Variants in RPS6KA2 observed in about 807,000 individuals in gnomAD.
RPS6KA2 encodes ribosomal protein S6 kinase alpha-2.
In RPS6KA2, 42 loss-of-function variants were observed where a neutral mutation model predicts 91.8. That is an observed-to-expected ratio of 0.46 (90% CI 0.36 to 0.59). RPS6KA2 has a LOEUF of 0.59. RPS6KA2 is among the 20% of genes least tolerant of loss of function. RPS6KA2 has a pLI of 0.00. For missense variants in RPS6KA2, 798 were observed against 978.5 expected (o/e 0.82, Z 2.46); for synonymous variants, 414 against 393.6 (o/e 1.05, Z -0.61).
intron 2 of RPS6KA2, among the ~76,000 whole-genome samples, chr6:166,683,521 G>A (rs1320769360): frequency 6.6e-6 from 1 of 152,150 alleles, no homozygotes; most frequent in East Asian, 1.9e-4. Flanking sequence ...TACTTGTGTG[G>A]CCATTTAAAT....
intron 2 of RPS6KA2, among the ~76,000 whole-genome samples, chr6:166,748,623 C>CCTCCTCAGGCCCCCAT (rs1791123527): frequency 2.7e-5 from 1 of 36,480 alleles, no homozygotes; most frequent in Non-Finnish European, 5.3e-5. Flanking sequence ...TGGGCCCCCA[C>CCTCCTCAGGCCCCCAT]CTCCTCAGGC....
intron 1 of RPS6KA2, among the ~76,000 whole-genome samples, chr6:166,564,487 C>G (rs1757476273): frequency 6.6e-6 from 1 of 152,344 alleles, no homozygotes; most frequent in African/African-American, 2.4e-5. Context: ...CATTCCCTGT[C>G]CGCCCCACGC....
chr6:166,566,694 C>T (rs1358344031), intron 1 of RPS6KA2, among the ~76,000 whole-genome samples: 1 of 152,200 alleles, frequency 6.6e-6, no homozygotes, highest in Non-Finnish European at 1.5e-5. Context: ...TTAAGGGAAG[C>T]AATTCTGTCC....
chr6:166,523,309 G>C (rs1423749328), intron 3 of RPS6KA2, among the ~76,000 whole-genome samples: 1 of 152,190 alleles, frequency 6.6e-6, no homozygotes, highest in Non-Finnish European at 1.5e-5. Context: ...GTCATCTTAT[G>C]CAATTAAATG....
chr6:166,675,435 G>A (rs553454917), intron 2 of RPS6KA2, among the ~76,000 whole-genome samples: 4 of 152,282 alleles, frequency 2.6e-5, no homozygotes, highest in Admixed American at 6.5e-5. Context: ...AAAGATGTTC[G>A]TGGCACAGTC....
Position 166,510,301 on chromosome 6 carries a change from G to C in RPS6KA2, c.355C>G (p.Pro119Ala). The C allele has an allele frequency of 6.2e-7, 1 of 1,602,964 alleles. No individual in the cohort carries two copies. Among genetic ancestry groups the C allele is most frequent in the Middle Eastern group, 1.7e-4 (1 of 6,052 alleles). ...CCATAATGAAGCTTCACAATGAAGG[G>C]GTGATTCACTTCTGCCAAGATGTCT... ...ERDILAEVNH[P>A]FIVKLHYAFQ... Residue 119 changes from proline (P) to alanine (A), a missense_variant, in exon 4 of 21, where the codon CCC (proline) becomes GCC (alanine). By Grantham distance (27) the Pro-to-Ala change is conservative. Transcript: ENST00000265678.
At chr6:166,582,843 T>A (rs1043082693) in intron 1 of RPS6KA2, among the ~76,000 whole-genome samples, 1 of 152,232 alleles carries the variant, frequency 6.6e-6, no homozygotes, top group Non-Finnish European at 1.5e-5. Flanking sequence ...ACCTCTTGAA[T>A]AATAAAAGCT....
At chr6:166,782,422 C>T (rs1346288349) in intron 2 of RPS6KA2, among the ~76,000 whole-genome samples, 1 of 152,154 alleles carries the variant, frequency 6.6e-6, no homozygotes, top group Non-Finnish European at 1.5e-5. Flanking sequence ...TCTGGGGTCC[C>T]GGCAGGTTTT....
intron 2 of RPS6KA2, among the ~76,000 whole-genome samples, chr6:166,759,134 T>C (rs1778101672): frequency 1.3e-5 from 2 of 152,184 alleles, no homozygotes; most frequent in South Asian, 4.1e-4. Flanking sequence ...GATACATACA[T>C]ACTTCAGGTA....
At chr6:166,823,434 AGTGTGT>A (rs56187218) in intron 2 of RPS6KA2, among the ~76,000 whole-genome samples, 70,996 of 147,944 alleles carry the variant, frequency 0.48, 18,350 homozygotes, top group Middle Eastern at 0.67. Context: ...TTGGTTTTGC[AGTGTGT>A]GTGTGTGTGT....
rs375337086 is a variant in RPS6KA2 at position 166,557,650 on chromosome 6, T to C, written c.100-18866A>G. ...GAAGTATTATACCACATAATAGATA[T>C]ATAGAAAAGTCCAGGCAACTTACAG... is the stretch of plus-strand genomic sequence containing the variant. On this transcript the variant is annotated intron_variant, in intron 1 of 20. Transcript: ENST00000265678. This position sits in a 1 kb window ranked among gnomAD's most constrained non-coding sequence, Gnocchi z 4.8. Among the ~76,000 whole-genome samples the C allele has an allele frequency of 2.0e-5, 3 of 152,232 alleles. No homozygotes were observed. The highest frequency in any genetic ancestry group is 2.9e-5 in the Non-Finnish European group (2 of 68,040).
At chr6:166,469,103 G>A (rs1303808209) in intron 11 of RPS6KA2, among the ~76,000 whole-genome samples, 6 of 152,168 alleles carry the variant, frequency 3.9e-5, no homozygotes, top group African/African-American at 9.7e-5. Context: ...AGTTTTAGCC[G>A]CGAGAACTCC....
At chr6:166,417,165 C>A (rs1052396386) in intron 19 of RPS6KA2, among the ~76,000 whole-genome samples, 43 of 152,268 alleles carry the variant, frequency 2.8e-4, no homozygotes, top group African/African-American at 9.9e-4. Context: ...CAGACAAGGC[C>A]AAATTCAAAG....
In RPS6KA2 at chr6:166,510,314, T is replaced by C; in HGVS notation, c.342A>G (p.Ala114=). Residue 114 remains alanine (A), a synonymous_variant, in exon 4 of 21, where the codon GCA becomes GCG. Transcript: ENST00000265678. The part of the protein sequence containing the change: ...VRSKMERDIL[A]EVNHPFIVKL... Reference sequence around the variant, plus strand: ...TCACAATGAAGGGGTGATTCACTTCTGCCAAGATGTCTCTCTCCATCTTCG... The same window carrying C: ...TCACAATGAAGGGGTGATTCACTTCCGCCAAGATGTCTCTCTCCATCTTCG... 1 of 1,603,346 alleles carries C rather than the reference T, an allele frequency of 6.2e-7. No homozygotes were observed. The highest frequency in any genetic ancestry group is 8.5e-7 in the Non-Finnish European group (1 of 1,173,482).
At chr6:166,779,584 G>A (rs949191823) in intron 2 of RPS6KA2, among the ~76,000 whole-genome samples, 8 of 152,210 alleles carry the variant, frequency 5.3e-5, no homozygotes, top group Non-Finnish European at 8.8e-5. Flanking sequence ...TGCCGGAGCC[G>A]CTCCGGGGCC....
chr6:166,505,365 C>G (rs572987471), intron 5 of RPS6KA2, among the ~76,000 whole-genome samples: 2 of 152,212 alleles, frequency 1.3e-5, no homozygotes, highest in African/African-American at 2.4e-5. Flanking sequence ...CGGAGCCCAA[C>G]AGACTCCAAA....
intron 1 of RPS6KA2, among the ~76,000 whole-genome samples, chr6:166,560,231 C>A (rs1467467813): frequency 6.6e-6 from 1 of 152,204 alleles, no homozygotes; most frequent in Non-Finnish European, 1.5e-5. Flanking sequence ...GGGAAGGGTT[C>A]TATCACCAAT....
intron 14 of RPS6KA2, among the ~76,000 whole-genome samples, chr6:166,447,484 AT>A (rs966851567): frequency 1.3e-5 from 2 of 152,164 alleles, no homozygotes; most frequent in Non-Finnish European, 1.5e-5. Context: ...GGGACCTGAG[AT>A]TTTTTTTCGG....
intron 1 of RPS6KA2, among the ~76,000 whole-genome samples, chr6:166,570,469 C>T (rs59221230): frequency 1.3e-5 from 2 of 152,200 alleles, no homozygotes; most frequent in Admixed American, 6.5e-5. Context: ...AACAAAAACC[C>T]TTAAACTTAG....
Sources: allele counts gnomAD v4.1 joint callset (sites outside exome capture counted in the v4.1 genomes callset), GRCh38; gene constraint gnomAD v4.1.1; non-coding constraint Gnocchi (gnomAD v3.1); transcripts MANE v1.5; gene names NCBI Gene and HGNC (gene_info 2026-07-23, HGNC 2026-07-21).